YIPF6: variants seen among roughly 807,000 people sequenced by gnomAD.
The protein encoded by YIPF6 is Yip1 domain family member 6.
A neutral mutation model predicts 16.8 loss-of-function variants in YIPF6; 3 were observed. The ratio of observed to expected loss-of-function variants is 0.18; its 90% confidence interval spans 0.08 to 0.46. YIPF6 has a LOEUF of 0.46. YIPF6 is among the 20% of genes least tolerant of loss of function. The probability of loss-of-function intolerance (pLI) is 0.98; values close to 1 mark genes in which losing one functional copy is unlikely to be tolerated. For synonymous variants in YIPF6, 67 were observed against 61.9 expected (o/e 1.08, Z -0.38); for missense variants, 145 against 184.9 (o/e 0.78, Z 1.25).
intron 1 of YIPF6, among the ~76,000 whole-genome samples, chrX:68,505,096 G>A (rs1196958740): frequency 9.0e-6 from 1 of 111,720 alleles, no homozygotes; most frequent in Non-Finnish European, 1.9e-5. Context: ...TAGTAGTGAG[G>A]AGAAAATATG....
chrX:68,510,552 TTTTA>T (rs1318227285), intron 1 of YIPF6: 3 of 98,676 alleles, frequency 3.0e-5, no homozygotes, highest in Non-Finnish European at 6.0e-5. Context: ...ATTGTTTTTG[TTTTA>T]TTTTATTTTA....
chrX:68,535,232 T>C lies in YIPF6; in HGVS notation c.*3233T>C, dbSNP rs1296310084. The C allele has an allele frequency of 8.9e-6, 1 of 112,555 alleles. No individual in the cohort carries two copies. Among genetic ancestry groups the C allele is most frequent in the East Asian group, 2.8e-4 (1 of 3,596 alleles). 9.3% of individuals were successfully genotyped at this position (112,555 alleles called of 1,213,427 possible). A position where few individuals can be genotyped will look rare whatever the true frequency, so the allele number is the denominator to read the frequency against. On this transcript the variant is annotated 3_prime_UTR_variant, in exon 7 of 7. Coordinates refer to ENST00000462683, the MANE Select transcript of YIPF6 (RefSeq NM_173834.4). ...CTAGTAAGCATTTTACTGTTTACTA[T>C]ATTTGTCTTTTTATAAACAGTATCT...
chrX:68,511,682 T>C, intron 1 of YIPF6, 167 bp from the exon 2 acceptor site: 1 of 428,345 alleles, frequency 2.3e-6, no homozygotes, highest in Non-Finnish European at 3.6e-6. Context: ...GAAATAAATT[T>C]GAGGATTATT....
intron 3 of YIPF6, chrX:68,514,647 G>A (rs1241554306): frequency 8.9e-6 from 1 of 112,651 alleles, no homozygotes; most frequent in Admixed American, 9.4e-5. Flanking sequence ...GACCTGAAGT[G>A]ATCCACCTGC....
At position 68,534,259 on chromosome X, in the gene YIPF6, C is replaced by T. The variant is rs1416636630; in HGVS notation, c.*2260C>T. On this transcript the variant is annotated 3_prime_UTR_variant, in exon 7 of 7. Transcript: ENST00000462683. ...GTATATGGACTTTGGAAACAAAAGA[C>T]ATTGTTCTATTTATAGCATTCTTTT... 1 of 111,394 alleles carries T rather than the reference C, an allele frequency of 9.0e-6. No individual in the cohort carries two copies. Among genetic ancestry groups the T allele is most frequent in the East Asian group, 2.8e-4 (1 of 3,574 alleles). The allele number at this position is 111,394 out of a possible 1,213,427, so 9.2% of individuals were successfully genotyped here. A position where few individuals can be genotyped will look rare whatever the true frequency, so the allele number is the denominator to read the frequency against.
At chrX:68,520,292 T>C (rs1006853489) in intron 4 of YIPF6, among the ~76,000 whole-genome samples, 1 of 112,479 alleles carries the variant, frequency 8.9e-6, no homozygotes, top group African/African-American at 3.2e-5. Flanking sequence ...TTCTTGGTAA[T>C]AACACCAAGT....
In YIPF6 at chrX:68,511,852, G is replaced by T. The variant is rs1306408124; in HGVS notation, c.61G>T (p.Ala21Ser). The T allele has an allele frequency of 1.7e-6, 2 of 1,197,245 alleles. No homozygotes were observed. Among genetic ancestry groups the T allele is most frequent in the African/African-American group, 3.5e-5 (2 of 56,430 alleles). Residue 21 changes from alanine to serine, a missense_variant, in exon 2 of 7, where the codon GCA becomes TCA. Ala to Ser is a moderately conservative substitution (Grantham distance 99, BLOSUM62 1). Coordinates refer to ENST00000462683, the MANE Select transcript of YIPF6 (RefSeq NM_173834.4). The stretch of plus-strand genomic sequence containing the variant: ...TTTTTCCCCTGACTCTTCTCAGTTT[G>T]CAGGCCTTTCAGATATATCCATCTC... Reference protein sequence around the residue: ...PGTASPRPLFAGLSDISISQD... With the variant: ...PGTASPRPLFSGLSDISISQD...
chrX:68,502,424 G>A (rs1020828249), intron 1 of YIPF6, among the ~76,000 whole-genome samples: 1 of 111,485 alleles, frequency 9.0e-6, no homozygotes, highest in African/African-American at 3.3e-5. Flanking sequence ...AGTTGGTCTG[G>A]GATAGGGCCC....
intron 1 of YIPF6, among the ~76,000 whole-genome samples, chrX:68,510,514 ATT>A: frequency 9.0e-6 from 1 of 110,565 alleles, no homozygotes; most frequent in Non-Finnish European, 1.9e-5. Context: ...TGTTTCTTAT[ATT>A]TAAGAAATAT....
In YIPF6 at chrX:68,524,656, T is replaced by A. The variant is rs1206250806; in HGVS notation, c.592+1739T>A. Reference sequence around the variant, plus strand: ...CATCTACATTAGGTATTTCTCCTAATGCTATTCCTCCCCTAGCCCCCCCAG... The same window carrying A: ...CATCTACATTAGGTATTTCTCCTAAAGCTATTCCTCCCCTAGCCCCCCCAG... On this transcript the variant is annotated intron_variant, in intron 6 of 6. Coordinates refer to ENST00000462683, the MANE Select transcript of YIPF6 (RefSeq NM_173834.4). Among the ~76,000 whole-genome samples the A allele has an allele frequency of 4.6e-5, 5 of 109,608 alleles. No homozygotes were observed. In the East Asian group the frequency reaches 1.4e-3, roughly 31 times the overall value.
At chrX:68,529,514 T>TA (rs2079162756) in intron 6 of YIPF6, among the ~76,000 whole-genome samples, 2 of 110,760 alleles carry the variant, frequency 1.8e-5, no homozygotes, top group South Asian at 7.6e-4. Flanking sequence ...TTTGTTCCCT[T>TA]GCTGGCAAGG....
intron 6 of YIPF6, among the ~76,000 whole-genome samples, chrX:68,526,381 G>C (rs1371182859): frequency 8.9e-6 from 1 of 111,843 alleles, no homozygotes; most frequent in East Asian, 2.8e-4. Context: ...GAGATTATGG[G>C]CTGAGACGAT....
At chrX:68,513,583 T>C (rs984079192) in intron 3 of YIPF6, 178 bp downstream of exon 3, 5 of 312,848 alleles carry the variant, frequency 1.6e-5, no homozygotes, top group Non-Finnish European at 2.7e-5. Context: ...GATTTTATTT[T>C]ATTTTTATTT....
intron 4 of YIPF6, 105 bp from the exon 5 acceptor site, chrX:68,521,267 T>G: frequency 2.1e-6 from 2 of 943,016 alleles, no homozygotes; most frequent in Non-Finnish European, 2.9e-6. Context: ...GATCTTCAGG[T>G]GAGGTATGGC....
intron 3 of YIPF6, among the ~76,000 whole-genome samples, chrX:68,515,647 C>T (rs1451298619): frequency 1.8e-5 from 2 of 109,273 alleles, no homozygotes; most frequent in Non-Finnish European, 3.8e-5. Context: ...ACTGAAGGAC[C>T]TGCCTGAGAC....
At chrX:68,518,136 A>G (rs1233693280) in intron 3 of YIPF6, among the ~76,000 whole-genome samples, 1 of 108,517 alleles carries the variant, frequency 9.2e-6, no homozygotes, top group Non-Finnish European at 1.9e-5. Flanking sequence ...GCCAAGTATG[A>G]TAGCGGGTGC....
In YIPF6 at chrX:68,533,645, C is replaced by G. The variant is rs1462394049; in HGVS notation, c.*1646C>G. 2.7e-5 allele frequency: 3 copies of G among 111,502 alleles called. No homozygotes were observed. Among genetic ancestry groups the G allele is most frequent in the Middle Eastern group, 4.6e-3 (1 of 216 alleles). 9.2% of individuals were successfully genotyped at this position (111,502 alleles called of 1,213,427 possible). On this transcript the variant is annotated 3_prime_UTR_variant, in exon 7 of 7. Coordinates refer to ENST00000462683, the MANE Select transcript of YIPF6 (RefSeq NM_173834.4). ...ACAAAGTGGGTCCCCTTGGTTCCAG[C>G]CTTGTCCAGAGTTTTTGGTTATATA...
rs2079188767 is a variant in YIPF6, at chrX:68,535,709, T to A, written c.*3710T>A. On this transcript the variant is annotated 3_prime_UTR_variant, in exon 7 of 7. Transcript: ENST00000462683. ...TAGCTAACCTTTATTTGGCACTTACTGTGTGCCAGGCACTATTCTATTTTT... is the reference window on the plus strand; with the variant it reads ...TAGCTAACCTTTATTTGGCACTTACAGTGTGCCAGGCACTATTCTATTTTT... 8.9e-6 allele frequency: 1 copy of A among 112,025 alleles called. No homozygotes were observed. Among genetic ancestry groups the A allele is most frequent in the African/African-American group, 3.2e-5 (1 of 30,881 alleles). The allele number at this position is 112,025 out of a possible 1,213,427, so 9.2% of individuals were successfully genotyped here. A position where few individuals can be genotyped will look rare whatever the true frequency, so the allele number is the denominator to read the frequency against.
chrX:68,534,457 A>G lies in YIPF6; in HGVS notation c.*2458A>G, dbSNP rs1483004682. The G allele has an allele frequency of 9.0e-6, 1 of 111,566 alleles. No individual in the cohort carries two copies. The highest frequency in any genetic ancestry group is 1.9e-5 in the Non-Finnish European group (1 of 53,159). The allele number at this position is 111,566 out of a possible 1,213,427, so 9.2% of individuals were successfully genotyped here. On this transcript the variant is annotated 3_prime_UTR_variant, in exon 7 of 7. Coordinates refer to ENST00000462683, the MANE Select transcript of YIPF6 (RefSeq NM_173834.4). ...AATTTTTTTGAAATAGACAATTCTGATGTTCTCTTTAGAAATAACTCAGTT... is the reference window on the plus strand; with the variant it reads ...AATTTTTTTGAAATAGACAATTCTGGTGTTCTCTTTAGAAATAACTCAGTT...
Sources: gnomAD v4.1 joint callset for allele counts (sites outside exome capture counted in the v4.1 genomes callset) on GRCh38, gnomAD v4.1.1 for gene constraint, MANE v1.5 for transcripts, NCBI Gene and HGNC (gene_info 2026-07-23, HGNC 2026-07-21) for gene names.